CACNA2D3: variants seen among roughly 807,000 people sequenced by gnomAD.
The protein encoded by CACNA2D3 is voltage-dependent calcium channel subunit alpha-2/delta-3.
CACNA2D3 carries 60 observed loss-of-function variants against 160.6 expected under a neutral mutation model. That is an observed-to-expected ratio of 0.37 (90% CI 0.30 to 0.46). The LOEUF (loss-of-function observed/expected upper bound fraction) is 0.46. Among genes scored for constraint, CACNA2D3 ranks in the 20% least tolerant of loss-of-function variants. The probability of loss-of-function intolerance (pLI) is 1.00; values close to 1 mark genes in which losing one functional copy is unlikely to be tolerated. For missense variants in CACNA2D3, 1,205 were observed against 1,365.0 expected, an observed-to-expected ratio of 0.88 and a Z score of 1.85; for synonymous variants, 558 against 492.9, an observed-to-expected ratio of 1.13 and a Z score of -1.75.
intron 4 of CACNA2D3, among the ~76,000 whole-genome samples, chr3:54,492,614 C>G (rs1210346299): frequency 6.6e-6 from 1 of 152,192 alleles, no homozygotes; most frequent in Non-Finnish European, 1.5e-5. Context: ...ATTTGGTCAA[C>G]CAACAACTGA....
At chr3:55,060,743 A>T (rs1704487294) in intron 35 of CACNA2D3, among the ~76,000 whole-genome samples, 1 of 152,158 alleles carries the variant, frequency 6.6e-6, no homozygotes. Context: ...GTCATAATTA[A>T]GAAGATTTAC....
At chr3:54,864,527 T>C (rs1475107294) in intron 17 of CACNA2D3, among the ~76,000 whole-genome samples, 1 of 152,176 alleles carries the variant, frequency 6.6e-6, no homozygotes, top group African/African-American at 2.4e-5. Flanking sequence ...CCGAAAGTGC[T>C]GGGATTACAG....
chr3:54,665,467 G>A (rs1383061944), intron 11 of CACNA2D3, among the ~76,000 whole-genome samples: 1 of 152,032 alleles, frequency 6.6e-6, no homozygotes, highest in East Asian at 1.9e-4. Context: ...CACAGAACTT[G>A]GAAATGAAAT....
At chr3:54,211,591 T>TA (rs1397378790) in intron 2 of CACNA2D3, among the ~76,000 whole-genome samples, 1 of 152,228 alleles carries the variant, frequency 6.6e-6, no homozygotes, top group Non-Finnish European at 1.5e-5. Flanking sequence ...ACCTGCTCCT[T>TA]ACTACGTGTA....
chr3:55,043,460 A>G (rs192520776), intron 35 of CACNA2D3, among the ~76,000 whole-genome samples: 55 of 152,066 alleles, frequency 3.6e-4, no homozygotes, highest in African/African-American at 1.3e-3. Flanking sequence ...ATCTTATTCA[A>G]TATCTGTTCA....
At chr3:54,504,404 A>G (rs9836747) in intron 5 of CACNA2D3, among the ~76,000 whole-genome samples, 9,214 of 152,114 alleles carry the variant, frequency 0.061, 963 homozygotes, top group African/African-American at 0.21. Context: ...ACGTCACCTC[A>G]TCTTTTTAGG....
chr3:54,712,919 C>T (rs1700979922), intron 11 of CACNA2D3, among the ~76,000 whole-genome samples: 1 of 152,166 alleles, frequency 6.6e-6, no homozygotes, highest in Non-Finnish European at 1.5e-5. Flanking sequence ...ATCTTAATTC[C>T]ATCTGCAACC....
chr3:54,216,151 G>GTGTA (rs1553757233), intron 2 of CACNA2D3, among the ~76,000 whole-genome samples: 25 of 151,856 alleles, frequency 1.6e-4, no homozygotes, highest in Admixed American at 7.2e-4. Context: ...GTGTGTGTGT[G>GTGTA]TGTATGGTGG....
intron 4 of CACNA2D3, among the ~76,000 whole-genome samples, chr3:54,491,979 C>T (rs1336908168): frequency 1.3e-5 from 2 of 152,172 alleles, no homozygotes; most frequent in African/African-American, 4.8e-5. Context: ...ACTGCCAGCC[C>T]ACCAGGGAGG....
chr3:54,630,068 C>T (rs755348593), intron 10 of CACNA2D3, among the ~76,000 whole-genome samples: 48 of 152,086 alleles, frequency 3.2e-4, no homozygotes, highest in Non-Finnish European at 6.3e-4. Flanking sequence ...GAACCAAGTG[C>T]GGAGCTTTCT....
intron 4 of CACNA2D3, among the ~76,000 whole-genome samples, chr3:54,501,490 T>G (rs1341303564): frequency 6.6e-6 from 1 of 150,596 alleles, no homozygotes; most frequent in African/African-American, 2.4e-5. Context: ...CACTGCAGCC[T>G]CAACCTCCCA....
chr3:54,456,388 G>A (rs184101058), intron 4 of CACNA2D3, among the ~76,000 whole-genome samples: 1 of 151,928 alleles, frequency 6.6e-6, no homozygotes, highest in Non-Finnish European at 1.5e-5. Flanking sequence ...GAATACTACT[G>A]ATTTTTATAT....
chr3:54,679,338 G>A (rs1242509250), intron 11 of CACNA2D3, among the ~76,000 whole-genome samples: 1 of 152,186 alleles, frequency 6.6e-6, no homozygotes, highest in Non-Finnish European at 1.5e-5. Flanking sequence ...CTCTTCCCAA[G>A]TCTACTCAAA....
chr3:54,781,053 G>A (rs113738062), intron 13 of CACNA2D3, among the ~76,000 whole-genome samples: 1 of 152,148 alleles, frequency 6.6e-6, no homozygotes, highest in African/African-American at 2.4e-5. Context: ...TTGTGGTTTT[G>A]TTAAACATAA....
intron 9 of CACNA2D3, among the ~76,000 whole-genome samples, chr3:54,623,815 T>G (rs756322655): frequency 5.5e-4 from 84 of 152,318 alleles, no homozygotes; most frequent in Admixed American, 2.0e-3. Flanking sequence ...TTAGGTAATT[T>G]TATTAATAAT....
intron 13 of CACNA2D3, among the ~76,000 whole-genome samples, chr3:54,787,736 A>T (rs1702668685): frequency 6.6e-6 from 1 of 152,166 alleles, no homozygotes; most frequent in Non-Finnish European, 1.5e-5. Flanking sequence ...GATGATAAGG[A>T]TTATTTAGTA....
At chr3:54,887,846 A>G (rs938685513) in intron 23 of CACNA2D3, 113 bp from the exon 24 acceptor site, 1 of 779,996 alleles carries the variant, frequency 1.3e-6, no homozygotes, top group Non-Finnish European at 2.2e-6. Flanking sequence ...CTCATAAAGC[A>G]ACATGCCGCA....
intron 2 of CACNA2D3, among the ~76,000 whole-genome samples, chr3:54,157,843 A>C (rs78488513): frequency 0.42 from 63,569 of 149,964 alleles, 13,590 homozygotes; most frequent in South Asian, 0.55. Context: ...AACAAAAAAA[A>C]AAAAAAAAAA....
At chr3:54,927,583 T>A (rs1453406956) in intron 27 of CACNA2D3, among the ~76,000 whole-genome samples, 4 of 152,174 alleles carry the variant, frequency 2.6e-5, no homozygotes, top group African/African-American at 9.7e-5. Context: ...GTAGCCAATT[T>A]GTTCATTCTT....
Sources: allele counts gnomAD v4.1 joint callset (sites outside exome capture counted in the v4.1 genomes callset), GRCh38; gene constraint gnomAD v4.1.1; transcripts MANE v1.5; gene names NCBI Gene and HGNC (gene_info 2026-07-23, HGNC 2026-07-21).